The following FHAD1 variants were observed in gnomAD, a reference collection of about 807,000 sequenced individuals.
The protein encoded by FHAD1 is forkhead-associated domain-containing protein 1.
In FHAD1, 146 loss-of-function variants were observed where a neutral mutation model predicts 191.3. The observed-to-expected ratio is 0.76, with a 90% CI of 0.67 to 0.88. The LOEUF (loss-of-function observed/expected upper bound fraction) is 0.88. FHAD1 is among the 40% of genes least tolerant of loss of function. The pLI, the probability that FHAD1 is intolerant of heterozygous loss-of-function variation, is 0.00. For synonymous variants in FHAD1, 616 were observed against 672.3 expected, an observed-to-expected ratio of 0.92 and a Z score of 1.29; for missense variants, 1,635 against 1,785.8, an observed-to-expected ratio of 0.92 and a Z score of 1.52.
intron 21 of FHAD1, among the ~76,000 whole-genome samples, chr1:15,358,747 C>A (rs1693672155): frequency 7.0e-6 from 1 of 142,614 alleles, no homozygotes; most frequent in South Asian, 2.3e-4. Context: ...GCATTCGAGG[C>A]CCTCCACAAT....
intron 21 of FHAD1, among the ~76,000 whole-genome samples, chr1:15,358,599 G>A (rs1418954747): frequency 6.6e-6 from 1 of 152,194 alleles, no homozygotes; most frequent in Non-Finnish European, 1.5e-5. Flanking sequence ...CACAGAGCTA[G>A]GATGCCCTCT....
chr1:15,361,862 G>A (rs939580753), intron 22 of FHAD1, among the ~76,000 whole-genome samples: 8 of 152,018 alleles, frequency 5.3e-5, no homozygotes, highest in South Asian at 4.2e-4. Context: ...AAAATTAGCC[G>A]GGCCTGGTGG....
At position 15,327,017 on chromosome 1, in the gene FHAD1, C is replaced by T; in HGVS notation, c.1474-42C>T. On this transcript the variant is annotated intron_variant, in intron 11 of 33. Coordinates refer to ENST00000688493, the MANE Select transcript of FHAD1 (RefSeq NM_001391957.1). This position sits in a 1 kb window ranked among gnomAD's most constrained non-coding sequence, Gnocchi z 5.1. The stretch of plus-strand genomic sequence containing the variant: ...GGAAACGCTGCCCCCACTTGCCGGC[C>T]CCTGCTGACCCCCTGACACTGTTGC... The T allele has an allele frequency of 7.4e-7, 1 of 1,353,070 alleles. No homozygotes were observed. Among genetic ancestry groups the T allele is most frequent in the Non-Finnish European group, 1.0e-6 (1 of 968,248 alleles). 83.8% of individuals were successfully genotyped at this position (1,353,070 alleles called of 1,614,324 possible).
At chr1:15,272,279 A>G in intron 2 of FHAD1, 44 bp from the exon 3 acceptor site, 1 of 1,522,282 alleles carries the variant, frequency 6.6e-7, no homozygotes, top group South Asian at 1.2e-5. Context: ...GGGCCGTGTC[A>G]TTTTTGTTTT....
Position 15,388,039 on chromosome 1 carries a change from C to A in FHAD1, c.4189-12C>A. The A allele has an allele frequency of 7.8e-7, 1 of 1,286,024 alleles. No individual in the cohort carries two copies. Among genetic ancestry groups the A allele is most frequent in the Non-Finnish European group, 1.0e-6 (1 of 985,368 alleles). 79.7% of individuals were successfully genotyped at this position (1,286,024 alleles called of 1,614,324 possible). A position where few individuals can be genotyped will look rare whatever the true frequency, so the allele number is the denominator to read the frequency against. On this transcript the variant is annotated splice_polypyrimidine_tract_variant and intron_variant, in intron 31 of 33. Coordinates refer to ENST00000688493, the MANE Select transcript of FHAD1 (RefSeq NM_001391957.1). ...TTAGCACTCTCTTGCTAACCTGATACTTTTCACTCAGGAAAGTGTAGAGGA... is the reference window on the plus strand; with the variant it reads ...TTAGCACTCTCTTGCTAACCTGATAATTTTCACTCAGGAAAGTGTAGAGGA...
At chr1:15,256,645 C>CAAAAAA (rs34598860) in intron 2 of FHAD1, among the ~76,000 whole-genome samples, 1 of 71,266 alleles carries the variant, frequency 1.4e-5, no homozygotes, top group Non-Finnish European at 2.5e-5. Context: ...AGACTCTGTC[C>CAAAAAA]AAAAAAAAAA....
chr1:15,343,205 C>G (rs569457510), intron 16 of FHAD1, among the ~76,000 whole-genome samples: 2 of 152,138 alleles, frequency 1.3e-5, no homozygotes, highest in Admixed American at 1.3e-4. Flanking sequence ...CTCTCCCCGC[C>G]GACTCTCCAC....
intron 31 of FHAD1, among the ~76,000 whole-genome samples, chr1:15,385,258 G>A (rs1396678022): frequency 2.0e-5 from 3 of 152,026 alleles, no homozygotes; most frequent in Admixed American, 1.3e-4. Flanking sequence ...CCCTAGGAGA[G>A]GAAAGTAGAA....
chr1:15,358,803 C>T lies in FHAD1; in HGVS notation c.2736+520C>T, dbSNP rs1023931610. Among the ~76,000 whole-genome samples, 33 of 152,148 alleles carry T rather than the reference C, an allele frequency of 2.2e-4. 1 individual carries two copies. Among genetic ancestry groups the T allele is most frequent in the Non-Finnish European group, 1.5e-5 (1 of 68,038 alleles). The stretch of plus-strand genomic sequence containing the variant: ...CTCTGTCATCCACACGTTCAACCGA[C>T]AGGTTTCTGGGCAAGGAATTCATGA... On this transcript the variant is annotated intron_variant, in intron 21 of 33. Transcript: ENST00000688493.
rs1216181906 is a variant in FHAD1 at position 15,329,849 on chromosome 1, C to T, written c.1906+308C>T. 5 of 337,416 alleles carry T rather than the reference C, an allele frequency of 1.5e-5. No individual in the cohort carries two copies. Among genetic ancestry groups the T allele is most frequent in the Middle Eastern group, 9.4e-4 (1 of 1,060 alleles). The allele number at this position is 337,416 out of a possible 1,614,324, so 20.9% of individuals were successfully genotyped here. On this transcript the variant is annotated intron_variant, in intron 14 of 33. Coordinates refer to ENST00000688493, the MANE Select transcript of FHAD1 (RefSeq NM_001391957.1). The surrounding 1 kb of genome is among the most constrained non-coding windows in gnomAD (Gnocchi z 5.0). Reference sequence around the variant, plus strand: ...CAAGGCATTTTCCCATGGAAATAACCGCGTGATTCCAGGCAAGTGACTTAC... The same window carrying T: ...CAAGGCATTTTCCCATGGAAATAACTGCGTGATTCCAGGCAAGTGACTTAC...
Position 15,360,370 on chromosome 1 carries a change from C to T in FHAD1, c.2737-108C>T, listed in dbSNP as rs192399994. 40 of 927,816 alleles carry T rather than the reference C, an allele frequency of 4.3e-5. No homozygotes were observed. The Admixed American group carries it at 8.0e-4, about 19-fold the overall frequency. The allele number at this position is 927,816 out of a possible 1,614,324, so 57.5% of individuals were successfully genotyped here. On this transcript the variant is annotated intron_variant, in intron 21 of 33. Coordinates refer to ENST00000688493, the MANE Select transcript of FHAD1 (RefSeq NM_001391957.1). ...CAGAGGGAACTGCATGTGCTAAGGC[C>T]CTGGGGTGGGGCCCAGTTTAGCACC...
At chr1:15,292,903 AAC>A (rs1163379217) in intron 4 of FHAD1, among the ~76,000 whole-genome samples, 1 of 152,218 alleles carries the variant, frequency 6.6e-6, no homozygotes, top group Non-Finnish European at 1.5e-5. Context: ...CAGCTGGGGA[AAC>A]ACAGCAAGAC....
intron 3 of FHAD1, among the ~76,000 whole-genome samples, chr1:15,287,753 TA>T (rs1453599904): frequency 6.6e-6 from 1 of 152,086 alleles, no homozygotes; most frequent in Admixed American, 6.6e-5. Context: ...GAAAGAGCCT[TA>T]GGGGGAATGC....
intron 2 of FHAD1, among the ~76,000 whole-genome samples, chr1:15,268,912 G>A (rs985151421): frequency 4.0e-5 from 6 of 151,648 alleles, no homozygotes; most frequent in African/African-American, 1.5e-4. Flanking sequence ...TGTCAGATGA[G>A]TAGGTTGTGA....
At chr1:15,310,929 C>A (rs779907269) in intron 7 of FHAD1, among the ~76,000 whole-genome samples, 1 of 152,176 alleles carries the variant, frequency 6.6e-6, no homozygotes, top group Admixed American at 6.5e-5. Flanking sequence ...GATGGAGGAA[C>A]AAGGTGCGGA....
At chr1:15,332,174 T>C (rs376444145) in intron 14 of FHAD1, among the ~76,000 whole-genome samples, 1 of 152,186 alleles carries the variant, frequency 6.6e-6, no homozygotes, top group Non-Finnish European at 1.5e-5. Flanking sequence ...CCCCTCATCA[T>C]ATAGCAGAGA....
rs544750787 is a variant in FHAD1 at position 15,276,727 on chromosome 1, G to A, written c.300+4198G>A. Among the ~76,000 whole-genome samples, 26 of 152,100 alleles carry A rather than the reference G, an allele frequency of 1.7e-4. No individual in the cohort carries two copies. In the South Asian group the frequency reaches 2.9e-3, roughly 17 times the overall value. On this transcript the variant is annotated intron_variant, in intron 3 of 33. Transcript: ENST00000688493. The surrounding 1 kb of genome is among the most constrained non-coding windows in gnomAD (Gnocchi z 4.7). ...TGAGGCACAAGAATTGCTTGAACCC[G>A]GGAGGCAGAGGTTGCAATGAGCGAA...
chr1:15,376,045 TTTTATTTA>T (rs1236529137), intron 28 of FHAD1, among the ~76,000 whole-genome samples: 5 of 130,802 alleles, frequency 3.8e-5, no homozygotes, highest in South Asian at 2.5e-4. Flanking sequence ...TTTATTTTTA[TTTTATTTA>T]TTTATTTATT....
chr1:15,305,559 T>G (rs1167511128), intron 6 of FHAD1, among the ~76,000 whole-genome samples: 1 of 152,178 alleles, frequency 6.6e-6, no homozygotes, highest in Non-Finnish European at 1.5e-5. Flanking sequence ...GTGGTTTGAC[T>G]GCATCCCCAC....
Sources: allele counts gnomAD v4.1 joint callset (sites outside exome capture counted in the v4.1 genomes callset), GRCh38; gene constraint gnomAD v4.1.1; non-coding constraint Gnocchi (gnomAD v3.1); transcripts MANE v1.5; gene names NCBI Gene and HGNC (gene_info 2026-07-23, HGNC 2026-07-21).